The following TBC1D31 variants were observed in gnomAD, a reference collection of about 807,000 sequenced individuals.
TBC1D31 encodes the protein TBC1 domain family member 31.
In TBC1D31, 99 loss-of-function variants were observed where a neutral mutation model predicts 132.9. That is an observed-to-expected ratio of 0.74 (90% CI 0.63 to 0.88). TBC1D31 has a LOEUF of 0.88. Ranked by LOEUF, TBC1D31 falls within the 40% of genes least tolerant of loss-of-function variation. The probability of loss-of-function intolerance (pLI) is 0.00; values close to 1 mark genes in which losing one functional copy is unlikely to be tolerated. For synonymous variants in TBC1D31, 385 were observed against 419.4 expected, an observed-to-expected ratio of 0.92 and a Z score of 1.00; for missense variants, 1,134 against 1,256.6, an observed-to-expected ratio of 0.90 and a Z score of 1.48.
chr8:123,123,545 C>CA (rs34093191), intron 11 of TBC1D31: 30,499 of 152,822 alleles, frequency 0.2, 3,133 homozygotes, highest in African/African-American at 0.24. Flanking sequence ...AAGAAGTATG[C>CA]AAAGCCAAAG....
chr8:123,157,859 G>T, the TBC1D31 span, among the ~76,000 whole-genome samples: 1 of 152,150 alleles, frequency 6.6e-6, no homozygotes, highest in Non-Finnish European at 1.5e-5. Context: ...CTTCGTAGGG[G>T]CTGCCGGGCT....
chr8:123,105,394 A>G lies in TBC1D31; in HGVS notation c.1139A>G (p.Lys380Arg), dbSNP rs1817831074. 3.7e-6 allele frequency: 6 copies of G among 1,613,510 alleles called. No individual in the cohort carries two copies. The highest frequency in any genetic ancestry group is 5.1e-6 in the Non-Finnish European group (6 of 1,179,772). ...TCAGGGAGAGTACAGCAGCCAGCAA[A>G]ATCTAGGGAAAGCAAAATGCAAACT... ...VTSGRVQQPA[K>R]SRESKMQTRI... Residue 380 changes from lysine to arginine, a missense_variant, in exon 8 of 22, where the codon AAA (lysine) becomes AGA (arginine). Coordinates refer to ENST00000287380, the MANE Select transcript of TBC1D31 (RefSeq NM_145647.4).
the TBC1D31 span, among the ~76,000 whole-genome samples, chr8:123,159,563 G>T: frequency 4.6e-5 from 7 of 152,298 alleles, no homozygotes; most frequent in East Asian, 9.6e-4. Context: ...AGGCCTAGGC[G>T]GGAGGACCAC....
chr8:123,129,169 A>G lies in TBC1D31; in HGVS notation c.2221A>G (p.Arg741Gly). 1.2e-6 allele frequency: 2 copies of G among 1,608,298 alleles called. No homozygotes were observed. The highest frequency in any genetic ancestry group is 3.3e-5 in the Admixed American group (2 of 59,900). Residue 741 changes from arginine (R) to glycine (G), a missense_variant, in exon 15 of 22, where the codon AGA becomes GGA. Coordinates refer to ENST00000287380, the MANE Select transcript of TBC1D31 (RefSeq NM_145647.4). ...ELLRKAEETR[R>G]EMLLQEEEKM... ...GCTTCGTAAAGCTGAAGAAACAAGA[A>G]GAGAAATGCTCTTACAAGAGGAGGA... is the stretch of plus-strand genomic sequence containing the variant.
At position 123,127,497 on chromosome 8, in the gene TBC1D31, C is replaced by T. The variant is rs142209447; in HGVS notation, c.1885-784C>T. Among the ~76,000 whole-genome samples, 1,258 of 151,342 alleles carry T rather than the reference C, an allele frequency of 8.3e-3. 15 individuals carry two copies. Among genetic ancestry groups the T allele is most frequent in the African/African-American group, 0.03 (1,222 of 41,248 alleles). ...TAGGTTACCCAGGCTGGTCTCGAACCCCTTACCTCAGATGATCCACCTGCC... is the reference window on the plus strand; with the variant it reads ...TAGGTTACCCAGGCTGGTCTCGAACTCCTTACCTCAGATGATCCACCTGCC... On this transcript the variant is annotated intron_variant, in intron 13 of 21. Coordinates refer to ENST00000287380, the MANE Select transcript of TBC1D31 (RefSeq NM_145647.4).
intron 17 of TBC1D31, among the ~76,000 whole-genome samples, chr8:123,136,504 A>G (rs1198593866): frequency 2.0e-5 from 3 of 152,158 alleles, no homozygotes; most frequent in African/African-American, 7.2e-5. Context: ...AGGCTGGAGT[A>G]CAATGGCGCG....
chr8:123,103,061 A>C (rs1278155710), intron 7 of TBC1D31: 3 of 152,236 alleles, frequency 2.0e-5, no homozygotes, highest in African/African-American at 7.2e-5. Context: ...ATATGTATTG[A>C]TTGATTAATG....
At chr8:123,149,536 G>A (rs752442591) in intron 20 of TBC1D31, among the ~76,000 whole-genome samples, 5 of 152,212 alleles carry the variant, frequency 3.3e-5, no homozygotes, top group Non-Finnish European at 7.3e-5. Flanking sequence ...CACAGCTGAG[G>A]GTGAGTGTAA....
At chr8:123,087,858 G>A (rs1815924700) in intron 4 of TBC1D31, among the ~76,000 whole-genome samples, 1 of 152,226 alleles carries the variant, frequency 6.6e-6, no homozygotes, top group African/African-American at 2.4e-5. Flanking sequence ...TATGTATAGT[G>A]TGATGTGTGC....
Position 123,151,918 on chromosome 8 carries a change from C to T in TBC1D31, c.3180C>T (p.Thr1060=). The T allele has an allele frequency of 1.9e-6, 3 of 1,555,362 alleles. No homozygotes were observed. The South Asian group carries it at 3.8e-5, about 20-fold the overall frequency. The change falls in exon 22 of 22, where the codon ACC becomes ACT. Residue 1060 remains threonine, a synonymous_variant. Coordinates refer to ENST00000287380, the MANE Select transcript of TBC1D31 (RefSeq NM_145647.4). ...LTARARHRCQ[T]PHLLAA The stretch of plus-strand genomic sequence containing the variant: ...CCCGGGCTCGTCACAGATGTCAAAC[C>T]CCTCATCTTTTGGCTGCATAGAATG...
intron 16 of TBC1D31, among the ~76,000 whole-genome samples, chr8:123,133,125 T>C (rs985277655): frequency 1.9e-4 from 29 of 152,258 alleles, no homozygotes; most frequent in African/African-American, 6.3e-4. Flanking sequence ...TGCTTGAATC[T>C]GAAGTGACAA....
At chr8:123,079,118 A>C (rs745525730) in intron 2 of TBC1D31, among the ~76,000 whole-genome samples, 19 of 152,318 alleles carry the variant, frequency 1.2e-4, no homozygotes, top group Non-Finnish European at 2.4e-4. Context: ...ATATCTCTAC[A>C]AGGGACAAGA....
At chr8:123,108,805 C>T (rs1194646256) in intron 8 of TBC1D31, among the ~76,000 whole-genome samples, 1 of 152,092 alleles carries the variant, frequency 6.6e-6, no homozygotes, top group Non-Finnish European at 1.5e-5. Flanking sequence ...CCTCTGGAAA[C>T]TTACAATCAT....
At chr8:123,101,648 C>T (rs1817429136) in intron 7 of TBC1D31, among the ~76,000 whole-genome samples, 1 of 152,126 alleles carries the variant, frequency 6.6e-6, no homozygotes, top group Non-Finnish European at 1.5e-5. Flanking sequence ...CTCCTGACCT[C>T]ATGATCCACC....
At chr8:123,130,591 G>A (rs933520475) in intron 16 of TBC1D31, among the ~76,000 whole-genome samples, 1 of 150,726 alleles carries the variant, frequency 6.6e-6, no homozygotes, top group African/African-American at 2.4e-5. Flanking sequence ...ATCAGTATCA[G>A]TTAGCCATTA....
At chr8:123,098,970 A>G (rs933386801) in intron 6 of TBC1D31, among the ~76,000 whole-genome samples, 5 of 152,336 alleles carry the variant, frequency 3.3e-5, no homozygotes, top group African/African-American at 9.6e-5. Flanking sequence ...CATCTTTTGT[A>G]TGATAAGTGA....
At chr8:123,142,123 A>T (rs1586731856) in intron 18 of TBC1D31, 139 bp from the exon 19 acceptor site, 1 of 523,556 alleles carries the variant, frequency 1.9e-6, no homozygotes, top group Non-Finnish European at 3.2e-6. Flanking sequence ...AGCTTATTTT[A>T]AACACTCCCA....
At chr8:123,105,912 C>T (rs1817879237) in intron 8 of TBC1D31, among the ~76,000 whole-genome samples, 1 of 152,104 alleles carries the variant, frequency 6.6e-6, no homozygotes. Flanking sequence ...GCTTATTGCT[C>T]CACGCTCTCT....
At chr8:123,101,137 T>A (rs536968779) in intron 7 of TBC1D31, 130 bp downstream of exon 7, 1 of 714,096 alleles carries the variant, frequency 1.4e-6, no homozygotes, top group South Asian at 1.9e-5. Flanking sequence ...TATATTTTGT[T>A]GCTCTTACTC....
Sources: gnomAD v4.1 joint callset for allele counts (sites outside exome capture counted in the v4.1 genomes callset) on GRCh38, gnomAD v4.1.1 for gene constraint, MANE v1.5 for transcripts, NCBI Gene and HGNC (gene_info 2026-07-23, HGNC 2026-07-21) for gene names.